The following CSMD1 variants were observed in gnomAD, a reference collection of about 807,000 sequenced individuals.
CSMD1 encodes CUB and sushi domain-containing protein 1.
CSMD1 carries 213 observed loss-of-function variants against 417.5 expected under a neutral mutation model. The ratio of observed to expected loss-of-function variants is 0.51; its 90% CI spans 0.46 to 0.57. The LOEUF is 0.57. Among genes scored for constraint, CSMD1 ranks in the 20% least tolerant of loss-of-function variants. The pLI is 0.00. For missense variants in CSMD1, 6,923 were observed against 4,529.7 expected (o/e 1.53, Z -15.17); for synonymous variants, 2,862 against 1,736.8 (o/e 1.65, Z -16.11).
chr8:4,213,526 G>C (rs893380538), intron 3 of CSMD1, among the ~76,000 whole-genome samples: 1 of 152,196 alleles, frequency 6.6e-6, no homozygotes, highest in African/African-American at 2.4e-5. Flanking sequence ...CGTTAATGTA[G>C]AAATGACAGA....
chr8:3,247,963 C>T (rs965492647), intron 26 of CSMD1, among the ~76,000 whole-genome samples: 3 of 152,140 alleles, frequency 2.0e-5, no homozygotes, highest in African/African-American at 7.2e-5. Flanking sequence ...AACCACCTCC[C>T]GAAATCTGCA....
chr8:4,625,170 C>T (rs1802024397), intron 2 of CSMD1, among the ~76,000 whole-genome samples: 2 of 151,864 alleles, frequency 1.3e-5, no homozygotes, highest in African/African-American at 2.4e-5. Context: ...GAATCTCGTA[C>T]GGGGAGATAC....
intron 1 of CSMD1, among the ~76,000 whole-genome samples, chr8:4,937,668 T>G (rs1807711792): frequency 6.6e-6 from 1 of 152,196 alleles, no homozygotes; most frequent in Non-Finnish European, 1.5e-5. Context: ...TTTCACCTCA[T>G]TTAAAATAGA....
intron 3 of CSMD1, among the ~76,000 whole-genome samples, chr8:4,039,204 G>A (rs140949669): frequency 3.3e-5 from 5 of 152,226 alleles, no homozygotes; most frequent in Non-Finnish European, 5.9e-5. Context: ...AGGTCCCTTA[G>A]GGTTTCTCTC....
intron 30 of CSMD1, 45 bp from the exon 31 acceptor site, chr8:3,205,665 C>A (rs374235301): frequency 2.1e-6 from 2 of 943,506 alleles, no homozygotes; most frequent in Non-Finnish European, 1.6e-6. Context: ...GCAATAATAG[C>A]GCAGGTGATA....
intron 26 of CSMD1, among the ~76,000 whole-genome samples, chr8:3,269,219 G>A (rs1051448205): frequency 2.0e-5 from 3 of 152,198 alleles, no homozygotes; most frequent in Non-Finnish European, 2.9e-5. Context: ...AGCTGTCTTT[G>A]GGCCTATGCT....
chr8:3,584,027 ACCT>A (rs1394942614), intron 9 of CSMD1, among the ~76,000 whole-genome samples: 1 of 151,954 alleles, frequency 6.6e-6, no homozygotes, highest in Admixed American at 6.6e-5. Context: ...CTATAAAAAC[ACCT>A]CCTTAGGAAT....
At chr8:4,875,356 G>C (rs1272661129) in intron 1 of CSMD1, among the ~76,000 whole-genome samples, 3 of 152,064 alleles carry the variant, frequency 2.0e-5, no homozygotes, top group Admixed American at 2.0e-4. Context: ...TTTTGGAACT[G>C]AAAAGTGACT....
At chr8:4,058,908 C>T (rs1798832215) in intron 3 of CSMD1, among the ~76,000 whole-genome samples, 2 of 152,002 alleles carry the variant, frequency 1.3e-5, no homozygotes, top group African/African-American at 2.4e-5. Context: ...ACAAGGATAC[C>T]CAGGAATTGA....
chr8:3,670,524 T>A (rs936121699), intron 7 of CSMD1, among the ~76,000 whole-genome samples: 1 of 105,430 alleles, frequency 9.5e-6, no homozygotes. Flanking sequence ...ATATCCTATA[T>A]ACATATATCC....
At chr8:3,399,365 C>T (rs1199229835) in intron 16 of CSMD1, 26 bp downstream of exon 16, 1 of 1,579,714 alleles carries the variant, frequency 6.3e-7, no homozygotes, top group Non-Finnish European at 8.6e-7. Flanking sequence ...CCATTGGGTC[C>T]AAATGAAGAC....
Position 4,821,463 on chromosome 8 carries a change from A to G in CSMD1, c.85+172869T>C, listed in dbSNP as rs542697636. Among the ~76,000 whole-genome samples the G allele has an allele frequency of 1.4e-4, 21 of 152,322 alleles. 1 individual carries two copies. In the South Asian group the frequency reaches 4.3e-3, roughly 32 times the overall value. ...AAAATCTCATACTACGCAGTAAGACAGTACAGGGAACGCACTTTTCTCATA... is the reference window on the plus strand; with the variant it reads ...AAAATCTCATACTACGCAGTAAGACGGTACAGGGAACGCACTTTTCTCATA... On this transcript the variant is annotated intron_variant, in intron 1 of 69. Transcript: ENST00000635120.
intron 5 of CSMD1, among the ~76,000 whole-genome samples, chr8:3,996,332 T>C (rs1373690422): frequency 6.6e-6 from 1 of 152,232 alleles, no homozygotes; most frequent in Non-Finnish European, 1.5e-5. Context: ...TCAATTATTT[T>C]CTGAAAACCA....
intron 1 of CSMD1, among the ~76,000 whole-genome samples, chr8:4,738,104 A>G (rs1810361122): frequency 6.6e-6 from 1 of 152,260 alleles, no homozygotes; most frequent in African/African-American, 2.4e-5. Context: ...GGACAACAGT[A>G]AAGACACACA....
intron 1 of CSMD1, among the ~76,000 whole-genome samples, chr8:4,890,665 T>A (rs1350313511): frequency 6.6e-6 from 1 of 150,652 alleles, no homozygotes; most frequent in Non-Finnish European, 1.5e-5. Context: ...GATGAGAGCG[T>A]GTGACTCCGA....
intron 5 of CSMD1, among the ~76,000 whole-genome samples, chr8:3,878,972 G>C (rs1349536022): frequency 6.6e-6 from 1 of 152,094 alleles, no homozygotes; most frequent in Non-Finnish European, 1.5e-5. Flanking sequence ...AAATCATGAT[G>C]CAAGCACTTC....
At chr8:3,005,702 C>T (rs1306251486) in intron 52 of CSMD1, among the ~76,000 whole-genome samples, 1 of 152,208 alleles carries the variant, frequency 6.6e-6, no homozygotes, top group East Asian at 1.9e-4. Context: ...GCAGAAAAGG[C>T]CTTTGACAAA....
intron 3 of CSMD1, among the ~76,000 whole-genome samples, chr8:4,159,516 T>A (rs532203077): frequency 6.6e-6 from 1 of 152,196 alleles, no homozygotes; most frequent in Non-Finnish European, 1.5e-5. Flanking sequence ...GGTATATATA[T>A]GATGGAATAC....
chr8:4,162,871 C>T (rs1445976031), intron 3 of CSMD1, among the ~76,000 whole-genome samples: 5 of 152,124 alleles, frequency 3.3e-5, no homozygotes, highest in South Asian at 4.1e-4. Context: ...GTAGTTTCCC[C>T]GCCCTAAAAA....
Sources: gnomAD v4.1 joint callset for allele counts (sites outside exome capture counted in the v4.1 genomes callset) on GRCh38, gnomAD v4.1.1 for gene constraint, MANE v1.5 for transcripts, NCBI Gene and HGNC (gene_info 2026-07-23, HGNC 2026-07-21) for gene names.